Variants in UPF1 observed in about 807,000 individuals in gnomAD.
The protein encoded by UPF1 is UPF1 RNA helicase and ATPase, also known as regulator of nonsense transcripts 1.
In UPF1, 9 loss-of-function variants were observed where a neutral mutation model predicts 129.2. That is an observed-to-expected ratio of 0.07 (90% CI 0.04 to 0.12). UPF1 has a LOEUF of 0.12. UPF1 is among the 10% of genes least tolerant of loss of function. UPF1 has a pLI of 1.00. For synonymous variants in UPF1, 649 were observed against 644.9 expected (o/e 1.01, Z -0.10); for missense variants, 788 against 1,525.3 (o/e 0.52, Z 8.05).
At chr19:18,856,152 C>G in intron 12 of UPF1, 34 bp from the exon 13 acceptor site, 1 of 1,605,942 alleles carries the variant, frequency 6.2e-7, no homozygotes, top group Non-Finnish European at 8.5e-7. Flanking sequence ...ATGTACAGAA[C>G]TCAGGCACCC....
At chr19:18,840,617 CGAGGGGCCTGGCTG>C (rs2055531070) in intron 1 of UPF1, among the ~76,000 whole-genome samples, 1 of 152,006 alleles carries the variant, frequency 6.6e-6, no homozygotes, top group African/African-American at 2.4e-5. Flanking sequence ...CATTCAGGGC[CGAGGGGCCTGGCTG>C]GAGGGGCTGG....
rs1191017861 is a variant in UPF1 at position 18,865,554 on chromosome 19, C to G, written c.3020-7C>G. On this transcript the variant is annotated splice_polypyrimidine_tract_variant and splice_region_variant and intron_variant, in intron 21 of 23. Transcript: ENST00000262803. The surrounding 1 kb of genome is among the most constrained non-coding windows in gnomAD (Gnocchi z 6.1). ...CCTTCGGATCACCCTGGACTGCTGT[C>G]TTTCAGGGCGAGGCACCCCGAAAGG... The G allele has an allele frequency of 1.2e-6, 2 of 1,613,952 alleles. No homozygotes were observed. The highest frequency in any genetic ancestry group is 4.5e-5 in the East Asian group (2 of 44,880).
chr19:18,854,397 G>A (rs1216021684), intron 8 of UPF1, among the ~76,000 whole-genome samples: 1 of 152,222 alleles, frequency 6.6e-6, no homozygotes, highest in Non-Finnish European at 1.5e-5. Flanking sequence ...ACCGGCTCAT[G>A]GTGAGGTAGA....
At chr19:18,859,265 C>G (rs1219258098) in intron 15 of UPF1, 1 of 152,212 alleles carries the variant, frequency 6.6e-6, no homozygotes, top group Non-Finnish European at 1.5e-5. Flanking sequence ...GCACACTGCT[C>G]TCTAATTGAT....
rs1601109394 is a variant in UPF1 at position 18,850,037 on chromosome 19, A to G, written c.462-38A>G. The G allele has an allele frequency of 2.5e-6, 4 of 1,613,048 alleles. No individual in the cohort carries two copies. Among genetic ancestry groups the G allele is most frequent in the East Asian group, 2.2e-5 (1 of 44,856 alleles). On this transcript the variant is annotated intron_variant, in intron 3 of 23. Transcript: ENST00000262803. This position sits in a 1 kb window ranked among gnomAD's most constrained non-coding sequence, Gnocchi z 7.1. The stretch of plus-strand genomic sequence containing the variant: ...AAAATTGGAAGTGGTGAAAAGCCAA[A>G]TTTTGGGTGTTAACCGTTTATCATT...
intron 17 of UPF1, 78 bp downstream of exon 17, chr19:18,861,060 A>C: frequency 6.8e-7 from 1 of 1,475,790 alleles, no homozygotes; most frequent in East Asian, 2.5e-5. Context: ...GTTACCCCCC[A>C]AGAGGGGCCC....
rs753212310 is a variant in UPF1 at position 18,857,033 on chromosome 19, C to T, written c.1968+13C>T. On this transcript the variant is annotated intron_variant, in intron 14 of 23. Coordinates refer to ENST00000262803, the MANE Select transcript of UPF1 (RefSeq NM_002911.4). The stretch of plus-strand genomic sequence containing the variant: ...CGGGGCCAAGCAGGTGGGCTGCCTC[C>T]CCTGCCCTCCTGTGTGAAAACTCGT... 38 of 1,601,366 alleles carry T rather than the reference C, an allele frequency of 2.4e-5. No individual in the cohort carries two copies. The highest frequency in any genetic ancestry group is 3.5e-4 in the Middle Eastern group (2 of 5,696).
chr19:18,847,617 G>T lies in UPF1; in HGVS notation c.372-127G>T, dbSNP rs1484753322. The T allele has an allele frequency of 1.1e-5, 9 of 807,754 alleles. No homozygotes were observed. In the African/African-American group the frequency reaches 1.4e-4, roughly 12 times the overall value. The allele number at this position is 807,754 out of a possible 1,614,324, so 50.0% of individuals were successfully genotyped here. On this transcript the variant is annotated intron_variant, in intron 2 of 23. Coordinates refer to ENST00000262803, the MANE Select transcript of UPF1 (RefSeq NM_002911.4). ...CTGGTTTGATTTGGTTACTGGGATT[G>T]TTGGGGTTGAGTATGTGTTTAATGA...
chr19:18,844,819 A>G (rs375640527), intron 1 of UPF1, among the ~76,000 whole-genome samples: 1 of 152,234 alleles, frequency 6.6e-6, no homozygotes, highest in Non-Finnish European at 1.5e-5. Flanking sequence ...TCATTTCATG[A>G]TAGTTCCTAG....
intron 13 of UPF1, among the ~76,000 whole-genome samples, 159 bp downstream of exon 13, chr19:18,856,459 G>A (rs2055719083): frequency 6.6e-6 from 1 of 152,156 alleles, no homozygotes; most frequent in Non-Finnish European, 1.5e-5. Flanking sequence ...AGTAAATTAG[G>A]GACATCTCGC....
At position 18,853,398 on chromosome 19, in the gene UPF1, T is replaced by G. The variant is rs1344594341; in HGVS notation, c.1156+48T>G. ...GTGGCCGGCTGGTGGGAGAGGAAAGTGGGGGCATCAGGTGGAGGCCACTGT... is the reference window on the plus strand; with the variant it reads ...GTGGCCGGCTGGTGGGAGAGGAAAGGGGGGGCATCAGGTGGAGGCCACTGT... On this transcript the variant is annotated intron_variant, in intron 8 of 23. Transcript: ENST00000262803. This position sits in a 1 kb window ranked among gnomAD's most constrained non-coding sequence, Gnocchi z 4.4. 7.2e-6 allele frequency: 11 copies of G among 1,535,920 alleles called. No individual in the cohort carries two copies. Among genetic ancestry groups the G allele is most frequent in the Non-Finnish European group, 8.8e-6 (10 of 1,136,396 alleles).
chr19:18,836,846 T>A (rs2055488571), intron 1 of UPF1, among the ~76,000 whole-genome samples: 1 of 149,886 alleles, frequency 6.7e-6, no homozygotes, highest in Non-Finnish European at 1.5e-5. Context: ...CTCCACCTCC[T>A]GGGTTCAAGC....
At chr19:18,859,688 G>A (rs1568281213) in intron 15 of UPF1, 1 of 152,420 alleles carries the variant, frequency 6.6e-6, no homozygotes, top group Non-Finnish European at 1.5e-5. Context: ...TCCCAGTAGA[G>A]TGAGGAGGGC....
chr19:18,858,612 T>C (rs941811463), intron 15 of UPF1, among the ~76,000 whole-genome samples: 1 of 151,710 alleles, frequency 6.6e-6, no homozygotes, highest in Non-Finnish European at 1.5e-5. Flanking sequence ...CAAACCCATC[T>C]CCCTTTCCAG....
rs553113804 is a variant in UPF1 at position 18,867,195 on chromosome 19, T to C, written c.*678T>C. On this transcript the variant is annotated 3_prime_UTR_variant, in exon 24 of 24. Transcript: ENST00000262803. ...AGAAACAGTTTAAACAAGCCAGCGC[T>C]ACTGGAGAAGAGGAGCAACACCTGT... 20 of 152,560 alleles carry C rather than the reference T, an allele frequency of 1.3e-4. No homozygotes were observed. The highest frequency in any genetic ancestry group is 3.8e-4 in the African/African-American group (16 of 41,596). The allele number at this position is 152,560 out of a possible 1,614,324, so 9.5% of individuals were successfully genotyped here.
At position 18,855,374 on chromosome 19, in the gene UPF1, C is replaced by T. The variant is rs559401815; in HGVS notation, c.1544+132C>T. On this transcript the variant is annotated intron_variant, in intron 11 of 23. Transcript: ENST00000262803. ...CGTGGCGGGTAGTGTCGCCATGGTGCCTACCGCTCTCTATGTGACATTATT... is the reference window on the plus strand; with the variant it reads ...CGTGGCGGGTAGTGTCGCCATGGTGTCTACCGCTCTCTATGTGACATTATT... The T allele has an allele frequency of 1.9e-5, 18 of 926,332 alleles. No homozygotes were observed. The East Asian group carries it at 4.7e-4, about 24-fold the overall frequency. 57.4% of individuals were successfully genotyped at this position (926,332 alleles called of 1,614,324 possible).
chr19:18,849,799 G>T (rs539736113), intron 3 of UPF1: 11 of 443,222 alleles, frequency 2.5e-5, no homozygotes, highest in African/African-American at 2.2e-4. Context: ...TGATAAGTTG[G>T]ATTTAAGAAA....
Position 18,853,803 on chromosome 19 carries a change from T to C in UPF1, c.1156+453T>C, listed in dbSNP as rs2055685931. ...TGTTTGGGAATGTGCAGTGACCTCA[T>C]GGTGATGCAGCCTGCCGGCCAGAGT... On this transcript the variant is annotated intron_variant, in intron 8 of 23. Coordinates refer to ENST00000262803, the MANE Select transcript of UPF1 (RefSeq NM_002911.4). The surrounding 1 kb of genome is among the most constrained non-coding windows in gnomAD (Gnocchi z 4.4). Among the ~76,000 whole-genome samples, 1 of 152,198 alleles carries C rather than the reference T, an allele frequency of 6.6e-6. No homozygotes were observed. The highest frequency in any genetic ancestry group is 2.1e-4 in the South Asian group (1 of 4,834).
At chr19:18,854,156 T>C (rs193233595) in intron 8 of UPF1, among the ~76,000 whole-genome samples, 20 of 152,332 alleles carry the variant, frequency 1.3e-4, no homozygotes, top group African/African-American at 3.8e-4. Flanking sequence ...GTGTTGTTTC[T>C]GTGGAACTGT....
Sources: allele counts gnomAD v4.1 joint callset (sites outside exome capture counted in the v4.1 genomes callset), GRCh38; gene constraint gnomAD v4.1.1; non-coding constraint Gnocchi (gnomAD v3.1); transcripts MANE v1.5; gene names NCBI Gene and HGNC (gene_info 2026-07-23, HGNC 2026-07-21).